The following H2AZ2 variants were observed in gnomAD, a reference collection of about 807,000 sequenced individuals.
The protein encoded by H2AZ2 is H2A.Z variant histone 2, also known as histone H2A.V.
H2AZ2 carries 5 observed loss-of-function variants against 15.5 expected under a neutral mutation model. The ratio of observed to expected loss-of-function variants is 0.32; its 90% CI spans 0.17 to 0.68. H2AZ2 has a LOEUF of 0.68. H2AZ2 is among the 30% of genes least tolerant of loss of function. The pLI is 0.72. For synonymous variants in H2AZ2, 44 were observed against 57.4 expected, an observed-to-expected ratio of 0.77 and a Z score of 1.05; for missense variants, 42 against 162.5, an observed-to-expected ratio of 0.26 and a Z score of 4.03.
chr7:44,838,123 C>T (rs1226548696), intron 3 of H2AZ2, among the ~76,000 whole-genome samples: 2 of 151,788 alleles, frequency 1.3e-5, no homozygotes, highest in African/African-American at 4.8e-5. Context: ...CACAGACACA[C>T]GCCACCATGC....
chr7:44,841,530 G>C (rs1347289452), intron 2 of H2AZ2, among the ~76,000 whole-genome samples: 1 of 151,816 alleles, frequency 6.6e-6, no homozygotes, highest in Non-Finnish European at 1.5e-5. Context: ...TTTTTATTGA[G>C]ACAGAGTCTC....
intron 3 of H2AZ2, among the ~76,000 whole-genome samples, chr7:44,840,627 T>C (rs1480427690): frequency 6.6e-6 from 1 of 151,858 alleles, no homozygotes; most frequent in African/African-American, 2.4e-5. Context: ...AAAAATTAGC[T>C]GGGCACAGTG....
In H2AZ2 at chr7:44,847,852, C is replaced by A. The variant is rs574737099; in HGVS notation, c.3+117G>T. On this transcript the variant is annotated intron_variant, in intron 1 of 4. Transcript: ENST00000308153. ...CCCGGCGGGCGGCGAGGGGCTCGGCCGGACGAAGCCCAGACACCCGCAAAC... is the reference window on the plus strand; with the variant it reads ...CCCGGCGGGCGGCGAGGGGCTCGGCAGGACGAAGCCCAGACACCCGCAAAC... 2.0e-4 allele frequency: 282 copies of A among 1,395,774 alleles called. No individual in the cohort carries two copies. The African/African-American group carries it at 3.9e-3, about 19-fold the overall frequency. The allele number at this position is 1,395,774 out of a possible 1,614,324, so 86.5% of individuals were successfully genotyped here.
In H2AZ2 at chr7:44,833,838, G is replaced by T; in HGVS notation, c.*663C>A. 3.0e-6 allele frequency: 1 copy of T among 338,064 alleles called. No individual in the cohort carries two copies. The highest frequency in any genetic ancestry group is 4.2e-6 in the Non-Finnish European group (1 of 238,466). The allele number at this position is 338,064 out of a possible 1,614,324, so 20.9% of individuals were successfully genotyped here. A position where few individuals can be genotyped will look rare whatever the true frequency, so the allele number is the denominator to read the frequency against. On this transcript the variant is annotated 3_prime_UTR_variant, in exon 5 of 5. Coordinates refer to ENST00000308153, the MANE Select transcript of H2AZ2 (RefSeq NM_012412.5). ...GACCCTTAGGCTCCACATCTATAATGTGGCAGCAACAACTTTCTTGGTCAG... is the reference window on the plus strand; with the variant it reads ...GACCCTTAGGCTCCACATCTATAATTTGGCAGCAACAACTTTCTTGGTCAG...
Position 44,834,197 on chromosome 7 carries a change from T to TA in H2AZ2, c.*303dup. 1 of 1,092,412 alleles carries TA rather than the reference T, an allele frequency of 9.2e-7. No homozygotes were observed. The highest frequency in any genetic ancestry group is 4.0e-5 in the South Asian group (1 of 24,854). The allele number at this position is 1,092,412 out of a possible 1,614,324, so 67.7% of individuals were successfully genotyped here. On this transcript the variant is annotated 3_prime_UTR_variant, in exon 5 of 5. Transcript: ENST00000308153. ...TAAAGTCTGAGTAAAATATTTCTAATACATCATGAACAGAACAGTTTTGAG... is the reference window on the plus strand; with the variant it reads ...TAAAGTCTGAGTAAAATATTTCTAATAACATCATGAACAGAACAGTTTTGAG...
downstream of H2AZ2, chr7:44,828,002 AATAGAGC>A (rs1792949650): frequency 6.6e-6 from 1 of 152,222 alleles, no homozygotes; most frequent in South Asian, 2.1e-4. Context: ...AGACAAGATG[AATAGAGC>A]TAATTGTCAG....
rs1793451412 is a variant in H2AZ2 at position 44,847,823 on chromosome 7, G to A, written c.3+146C>T. ...TCGGGCTCCGCAGCTGGGACATGGC[G>A]CCCCCCGGCGGGCGGCGAGGGGCTC... is the stretch of plus-strand genomic sequence containing the variant. On this transcript the variant is annotated intron_variant, in intron 1 of 4. Transcript: ENST00000308153. 2.0e-5 allele frequency: 22 copies of A among 1,126,402 alleles called. No homozygotes were observed. The South Asian group carries it at 3.4e-4, about 17-fold the overall frequency. 69.8% of individuals were successfully genotyped at this position (1,126,402 alleles called of 1,614,324 possible).
chr7:44,846,380 G>A (rs1283780343), intron 1 of H2AZ2, among the ~76,000 whole-genome samples: 1 of 152,068 alleles, frequency 6.6e-6, no homozygotes, highest in African/African-American at 2.4e-5. Context: ...CACTTTGTCA[G>A]GCCGAGGGGG....
chr7:44,834,288 T>C lies in H2AZ2; in HGVS notation c.*213A>G, dbSNP rs1383217017. ...TTGTATAAAACACACGGGAGAAACC[T>C]AGCCAATCAACACACAACTGTCACC... On this transcript the variant is annotated 3_prime_UTR_variant, in exon 5 of 5. Transcript: ENST00000308153. 7.8e-7 allele frequency: 1 copy of C among 1,283,486 alleles called. No individual in the cohort carries two copies. Among genetic ancestry groups the C allele is most frequent in the Non-Finnish European group, 9.9e-7 (1 of 1,012,746 alleles). The allele number at this position is 1,283,486 out of a possible 1,614,324, so 79.5% of individuals were successfully genotyped here. A position where few individuals can be genotyped will look rare whatever the true frequency, so the allele number is the denominator to read the frequency against.
At chr7:44,839,248 C>G (rs1355798977) in intron 3 of H2AZ2, among the ~76,000 whole-genome samples, 1 of 152,204 alleles carries the variant, frequency 6.6e-6, no homozygotes, top group Non-Finnish European at 1.5e-5. Context: ...ATACTGTCTA[C>G]TGATTACATA....
At chr7:44,842,745 C>T (rs1246418414) in intron 2 of H2AZ2, among the ~76,000 whole-genome samples, 1 of 152,198 alleles carries the variant, frequency 6.6e-6, no homozygotes, top group Non-Finnish European at 1.5e-5. Context: ...TCCCATCCCC[C>T]TTCTTTCGGT....
downstream of H2AZ2, chr7:44,828,937 T>C (rs990157300): frequency 6.6e-6 from 1 of 152,240 alleles, no homozygotes. Context: ...ACCTTGGGCC[T>C]TCCTTTGAAT....
At chr7:44,831,541 C>G (rs1583708776), downstream of H2AZ2, among the ~76,000 whole-genome samples, 3 of 150,994 alleles carry the variant, frequency 2.0e-5, no homozygotes, top group Non-Finnish European at 4.4e-5. Flanking sequence ...CCCCCCCCCG[C>G]TTCTTTTTTT....
intron 1 of H2AZ2, among the ~76,000 whole-genome samples, chr7:44,843,766 C>G (rs761012828): frequency 6.6e-6 from 1 of 152,126 alleles, no homozygotes; most frequent in Non-Finnish European, 1.5e-5. Flanking sequence ...CTATGTTGGC[C>G]AAGCTGGTCT....
At position 44,831,978 on chromosome 7, in the gene H2AZ2, C is replaced by A. The variant is rs1033619177; in HGVS notation, c.*2523G>T. 6.6e-6 allele frequency among the ~76,000 whole-genome samples: 1 copy of A among 152,042 alleles called. No homozygotes were observed. The highest frequency in any genetic ancestry group is 2.1e-4 in the South Asian group (1 of 4,824). ...AAAAAGCAAAACAGAACAACAGAAG[C>A]CCTCTAGATCTGTCAGTTTATAGAA... On this transcript the variant is annotated 3_prime_UTR_variant, in exon 5 of 5. Coordinates refer to ENST00000308153, the MANE Select transcript of H2AZ2 (RefSeq NM_012412.5).
chr7:44,826,964 T>C (rs1792933804), exon 5 of H2AZ2: 1 of 152,068 alleles, frequency 6.6e-6, no homozygotes, highest in South Asian at 2.1e-4. Flanking sequence ...TATTCTTTGA[T>C]TTTTTTTGCT....
At chr7:44,838,273 G>A (rs958656285) in intron 3 of H2AZ2, among the ~76,000 whole-genome samples, 9 of 151,594 alleles carry the variant, frequency 5.9e-5, no homozygotes, top group Non-Finnish European at 1.2e-4. Context: ...GTGCCCAGCC[G>A]TGAAATTTAT....
intron 3 of H2AZ2, among the ~76,000 whole-genome samples, chr7:44,840,638 G>C (rs1159990261): frequency 6.6e-6 from 1 of 152,116 alleles, no homozygotes; most frequent in East Asian, 1.9e-4. Context: ...GGGCACAGTG[G>C]TGCACACCTG....
At chr7:44,835,796 T>G (rs1191363921) in intron 3 of H2AZ2, 138 bp from the exon 4 acceptor site, 2 of 703,472 alleles carry the variant, frequency 2.8e-6, no homozygotes, top group African/African-American at 3.6e-5. Flanking sequence ...ATTTCTATAA[T>G]GCTTTTATAA....
Sources: allele counts gnomAD v4.1 joint callset (sites outside exome capture counted in the v4.1 genomes callset), GRCh38; gene constraint gnomAD v4.1.1; transcripts MANE v1.5; gene names NCBI Gene and HGNC (gene_info 2026-07-23, HGNC 2026-07-21).